BLTP3A: variants seen among roughly 807,000 people sequenced by gnomAD.
BLTP3A encodes the protein ICBP90 binding protein 1.
the BLTP3A span, chr6:34,792,387 C>T: frequency 5.4e-6 from 7 of 1,284,898 alleles, no homozygotes; most frequent in East Asian, 1.2e-4. Context: ...CCCAGTCTGC[C>T]TCTCTCCAGC....
the BLTP3A span, among the ~76,000 whole-genome samples, chr6:34,834,008 G>A: frequency 1.3e-4 from 20 of 151,520 alleles, no homozygotes; most frequent in African/African-American, 4.9e-4. Context: ...AGGCTGAGAC[G>A]AGAGGATCAC....
At chr6:34,850,660 T>C in the BLTP3A span, among the ~76,000 whole-genome samples, 13 of 152,342 alleles carry the variant, frequency 8.5e-5, no homozygotes, top group South Asian at 8.3e-4. Flanking sequence ...TGATGCATTC[T>C]TCAGTGTGTC....
chr6:34,806,912 G>A, the BLTP3A span, among the ~76,000 whole-genome samples: 1 of 152,096 alleles, frequency 6.6e-6, no homozygotes, highest in Non-Finnish European at 1.5e-5. Flanking sequence ...CACCTGCCTC[G>A]GCCTCCCAAA....
chr6:34,826,990 C>T, the BLTP3A span, among the ~76,000 whole-genome samples: 1 of 152,012 alleles, frequency 6.6e-6, no homozygotes, highest in Non-Finnish European at 1.5e-5. Flanking sequence ...TTTTCAGTGT[C>T]CAATGCTAGG....
chr6:34,842,956 T>C, the BLTP3A span, among the ~76,000 whole-genome samples: 385 of 152,292 alleles, frequency 2.5e-3, 4 homozygotes, highest in African/African-American at 8.5e-3. Flanking sequence ...ACTTTGAGTA[T>C]TAAATAAAAA....
the BLTP3A span, chr6:34,855,821 GA>G: frequency 2.7e-4 from 406 of 1,529,156 alleles, no homozygotes; most frequent in Non-Finnish European, 3.3e-4. Flanking sequence ...TGCATGCTCA[GA>G]GGGGTGCTGG....
chr6:34,857,577 T>C, the BLTP3A span: 1 of 1,505,406 alleles, frequency 6.6e-7, no homozygotes. Flanking sequence ...TTTTCAGTGT[T>C]TGAGTTAATT....
chr6:34,828,629 T>C, the BLTP3A span, among the ~76,000 whole-genome samples: 1 of 152,110 alleles, frequency 6.6e-6, no homozygotes, highest in African/African-American at 2.4e-5. Flanking sequence ...TTTCCAGATT[T>C]TTTGCTGTTA....
the BLTP3A span, among the ~76,000 whole-genome samples, chr6:34,818,470 G>GA: frequency 3.3e-4 from 45 of 137,222 alleles, no homozygotes; most frequent in Admixed American, 8.6e-4. Flanking sequence ...TCCTGTCTCA[G>GA]AAAAAAAAAA....
chr6:34,831,399 A>G, the BLTP3A span, among the ~76,000 whole-genome samples: 20 of 152,196 alleles, frequency 1.3e-4, no homozygotes, highest in Admixed American at 1.3e-3. Context: ...AAGTGCTGGG[A>G]TTACAGGCAT....
the BLTP3A span, among the ~76,000 whole-genome samples, chr6:34,835,714 C>T: frequency 1.3e-5 from 2 of 152,172 alleles, no homozygotes; most frequent in South Asian, 2.1e-4. Flanking sequence ...GTCCTTGGGG[C>T]TCTCACTGTC....
the BLTP3A span, chr6:34,857,484 C>T: frequency 6.2e-7 from 1 of 1,612,856 alleles, no homozygotes; most frequent in Non-Finnish European, 8.5e-7. Context: ...AGCATCTAGG[C>T]TGGCTATTTT....
the BLTP3A span, among the ~76,000 whole-genome samples, chr6:34,844,583 G>C: frequency 2.6e-5 from 4 of 152,088 alleles, no homozygotes; most frequent in African/African-American, 9.7e-5. Flanking sequence ...CCTCATTGTA[G>C]TTTTGATTTT....
At chr6:34,870,114 CT>C in the BLTP3A span, among the ~76,000 whole-genome samples, 2 of 152,094 alleles carry the variant, frequency 1.3e-5, no homozygotes. Context: ...CTATTTACTT[CT>C]TTATTCTATT....
At chr6:34,821,927 C>G in the BLTP3A span, 1 of 1,614,198 alleles carries the variant, frequency 6.2e-7, no homozygotes, top group Non-Finnish European at 8.5e-7. Context: ...ATCCAGTGGA[C>G]AAAGTTGAAG....
At chr6:34,800,542 G>A in the BLTP3A span, among the ~76,000 whole-genome samples, 1 of 152,258 alleles carries the variant, frequency 6.6e-6, no homozygotes, top group South Asian at 2.1e-4. Flanking sequence ...TATCTTTAAG[G>A]GGCCTTTTAA....
the BLTP3A span, chr6:34,859,661 A>G: frequency 6.5e-7 from 1 of 1,545,102 alleles, no homozygotes; most frequent in Non-Finnish European, 8.7e-7. Context: ...GTGCATTTCT[A>G]GATTGGGAAG....
At chr6:34,801,203 G>A in the BLTP3A span, among the ~76,000 whole-genome samples, 118 of 152,258 alleles carry the variant, frequency 7.7e-4, no homozygotes, top group African/African-American at 2.7e-3. Context: ...GGCAATCAAT[G>A]TATTTAAGTC....
At chr6:34,870,209 G>T in the BLTP3A span, among the ~76,000 whole-genome samples, 1 of 151,998 alleles carries the variant, frequency 6.6e-6, no homozygotes, top group South Asian at 2.1e-4. Context: ...GAACATCCTT[G>T]TACATGTCTC....
Sources: allele counts gnomAD v4.1 joint callset (sites outside exome capture counted in the v4.1 genomes callset), GRCh38; gene constraint gnomAD v4.1.1; transcripts MANE v1.5; gene names NCBI Gene and HGNC (gene_info 2026-07-23, HGNC 2026-07-21).